The following DACH1 variants were observed in gnomAD, a reference collection of about 807,000 sequenced individuals.
The protein encoded by DACH1 is dachshund family transcription factor 1.
Under a neutral mutation model 54.2 loss-of-function variants are expected in DACH1, and 12 were observed. That is an observed-to-expected ratio of 0.22 (90% CI 0.14 to 0.36). The LOEUF is 0.36. DACH1 is among the 10% of genes least tolerant of loss of function. The pLI, the probability that DACH1 is intolerant of heterozygous loss-of-function variation, is 1.00. For synonymous variants in DACH1, 386 were observed against 366.2 expected, an observed-to-expected ratio of 1.05 and a Z score of -0.62; for missense variants, 805 against 929.8, an observed-to-expected ratio of 0.87 and a Z score of 1.75.
intron 2 of DACH1, among the ~76,000 whole-genome samples, chr13:71,681,086 C>T (rs1282968246): frequency 1.3e-5 from 2 of 151,822 alleles, no homozygotes; most frequent in Admixed American, 6.6e-5. Flanking sequence ...TTTCAATTTG[C>T]TCATGGATCT....
rs117246793 is a variant in DACH1 at position 71,608,342 on chromosome 13, C to T, written c.1126+22214G>A. On this transcript the variant is annotated intron_variant, in intron 3 of 10. Coordinates refer to ENST00000613252, the MANE Select transcript of DACH1 (RefSeq NM_080759.6). ...AACTATTAACAAGATGTTATTATGT[C>T]CATCATGTACCCATTACAAAAGAGA... 5.9e-5 allele frequency among the ~76,000 whole-genome samples: 9 copies of T among 151,948 alleles called. No homozygotes were observed. In the East Asian group the frequency reaches 1.7e-3, roughly 29 times the overall value.
chr13:71,579,697 A>G (rs1249900874), intron 3 of DACH1, among the ~76,000 whole-genome samples: 2 of 152,098 alleles, frequency 1.3e-5, no homozygotes, highest in Non-Finnish European at 2.9e-5. Context: ...ATTTTTCCTT[A>G]TGTCGTAGTA....
intron 1 of DACH1, among the ~76,000 whole-genome samples, chr13:71,852,251 C>T (rs1043216422): frequency 6.6e-6 from 1 of 152,290 alleles, no homozygotes; most frequent in East Asian, 1.9e-4. Flanking sequence ...ACAGTTCAGT[C>T]CCTTCCTTGC....
chr13:71,812,755 T>C (rs1381929463), intron 1 of DACH1, among the ~76,000 whole-genome samples: 1 of 132,532 alleles, frequency 7.5e-6, no homozygotes, highest in Non-Finnish European at 1.8e-5. Context: ...GCTAATGTTG[T>C]GTCCCACGGA....
intron 1 of DACH1, among the ~76,000 whole-genome samples, chr13:71,792,339 T>TACACACACAC (rs140037316): frequency 3.4e-5 from 5 of 148,420 alleles, no homozygotes; most frequent in African/African-American, 1.2e-4. Context: ...AAGTGTTTTG[T>TACACACACAC]ACACACACAC....
chr13:71,739,989 A>C (rs1013571115), intron 1 of DACH1, among the ~76,000 whole-genome samples: 1 of 152,232 alleles, frequency 6.6e-6, no homozygotes, highest in Non-Finnish European at 1.5e-5. Flanking sequence ...CAATATAAAC[A>C]CAGGACTAAA....
chr13:71,465,792 G>A (rs1246153744), intron 10 of DACH1, among the ~76,000 whole-genome samples: 1 of 151,990 alleles, frequency 6.6e-6, no homozygotes, highest in Non-Finnish European at 1.5e-5. Context: ...CAACTTCCTA[G>A]TTATTTGGAA....
At chr13:71,486,788 A>AAATT (rs1351667083) in intron 7 of DACH1, among the ~76,000 whole-genome samples, 72 of 141,764 alleles carry the variant, frequency 5.1e-4, no homozygotes, top group African/African-American at 1.8e-3. Context: ...CGGACAAGCT[A>AAATT]AATTAATTAA....
intron 1 of DACH1, among the ~76,000 whole-genome samples, chr13:71,747,043 ATATC>A (rs1262521537): frequency 6.6e-6 from 1 of 152,122 alleles, no homozygotes; most frequent in African/African-American, 2.4e-5. Flanking sequence ...CATAATAGCT[ATATC>A]TATCAACTAT....
At chr13:71,793,710 A>G (rs573061296) in intron 1 of DACH1, among the ~76,000 whole-genome samples, 33 of 152,104 alleles carry the variant, frequency 2.2e-4, no homozygotes, top group African/African-American at 7.7e-4. Context: ...TATTTTTTGT[A>G]GAGATGAGGT....
At chr13:71,595,694 T>C (rs1372479837) in intron 3 of DACH1, among the ~76,000 whole-genome samples, 1 of 152,160 alleles carries the variant, frequency 6.6e-6, no homozygotes, top group Non-Finnish European at 1.5e-5. Flanking sequence ...TCTGACATTA[T>C]GGTGCCAATA....
chr13:71,557,276 T>C, intron 5 of DACH1, 118 bp from the exon 6 acceptor site: 2 of 680,230 alleles, frequency 2.9e-6, no homozygotes, highest in Non-Finnish European at 4.2e-6. Context: ...ATTAATATAA[T>C]GGTCTACCTT....
At chr13:71,607,947 C>T (rs542422924) in intron 3 of DACH1, among the ~76,000 whole-genome samples, 13 of 151,960 alleles carry the variant, frequency 8.6e-5, no homozygotes, top group African/African-American at 2.2e-4. Context: ...ATGCCCAGAA[C>T]GCTTAAGTGA....
At chr13:71,571,405 A>T (rs1308506202) in intron 4 of DACH1, among the ~76,000 whole-genome samples, 1 of 152,184 alleles carries the variant, frequency 6.6e-6, no homozygotes, top group Non-Finnish European at 1.5e-5. Flanking sequence ...ATTACCTAAC[A>T]TCATCATAAA....
intron 6 of DACH1, among the ~76,000 whole-genome samples, chr13:71,536,068 G>C (rs953384776): frequency 6.6e-6 from 1 of 151,884 alleles, no homozygotes; most frequent in African/African-American, 2.4e-5. Context: ...AAATGATTAA[G>C]AGAAATGTAT....
At chr13:71,810,534 A>T (rs542799501) in intron 1 of DACH1, among the ~76,000 whole-genome samples, 2 of 152,310 alleles carry the variant, frequency 1.3e-5, no homozygotes, top group Non-Finnish European at 2.9e-5. Flanking sequence ...TTAAAGTATA[A>T]GTAATAAAAT....
chr13:71,779,118 TACAC>T (rs1886199160), intron 1 of DACH1, among the ~76,000 whole-genome samples: 4 of 136,560 alleles, frequency 2.9e-5, no homozygotes, highest in Admixed American at 2.9e-4. Flanking sequence ...TATACATATA[TACAC>T]ATATATACAT....
intron 1 of DACH1, among the ~76,000 whole-genome samples, chr13:71,825,717 G>A (rs952556458): frequency 6.6e-6 from 1 of 151,988 alleles, no homozygotes; most frequent in African/African-American, 2.4e-5. Flanking sequence ...TGGACATTTG[G>A]CTTGTTATTT....
At chr13:71,779,472 G>A (rs1241737608) in intron 1 of DACH1, among the ~76,000 whole-genome samples, 9 of 150,736 alleles carry the variant, frequency 6.0e-5, no homozygotes, top group Non-Finnish European at 1.0e-4. Flanking sequence ...AAGTGGCAAC[G>A]CAAAATATAC....
Sources: gnomAD v4.1 joint callset for allele counts (sites outside exome capture counted in the v4.1 genomes callset) on GRCh38, gnomAD v4.1.1 for gene constraint, MANE v1.5 for transcripts, NCBI Gene and HGNC (gene_info 2026-07-23, HGNC 2026-07-21) for gene names.